KCNC2: variants seen among roughly 807,000 people sequenced by gnomAD.
The protein encoded by KCNC2 is potassium voltage-gated channel subfamily C member 2, also known as voltage-gated potassium channel KCNC2.
KCNC2 carries 21 observed loss-of-function variants against 44.5 expected under a neutral mutation model. The observed-to-expected ratio is 0.47, with a 90% CI of 0.33 to 0.68. KCNC2 has a LOEUF of 0.68. KCNC2 is among the 30% of genes least tolerant of loss of function. The pLI, the probability that KCNC2 is intolerant of heterozygous loss-of-function variation, is 0.01. For synonymous variants in KCNC2, 391 were observed against 339.1 expected (o/e 1.15, Z -1.68); for missense variants, 589 against 826.2 (o/e 0.71, Z 3.52).
chr12:75,083,066 T>A (rs751001542), intron 2 of KCNC2, among the ~76,000 whole-genome samples: 10 of 151,432 alleles, frequency 6.6e-5, no homozygotes, highest in East Asian at 1.9e-4. Context: ...ATACAAAAAA[T>A]TTAAGAAATT....
At chr12:75,079,920 A>G (rs1231616431) in intron 2 of KCNC2, among the ~76,000 whole-genome samples, 1 of 152,088 alleles carries the variant, frequency 6.6e-6, no homozygotes, top group African/African-American at 2.4e-5. Context: ...TTCCCTGTTA[A>G]TGTCTCTGAG....
intron 2 of KCNC2, among the ~76,000 whole-genome samples, chr12:75,079,525 G>A (rs1314003308): frequency 6.6e-6 from 1 of 152,082 alleles, no homozygotes; most frequent in Non-Finnish European, 1.5e-5. Context: ...GTATATTTGT[G>A]TATTTTAAAT....
At chr12:75,139,898 T>A (rs1889513681) in intron 2 of KCNC2, among the ~76,000 whole-genome samples, 1 of 152,198 alleles carries the variant, frequency 6.6e-6, no homozygotes, top group African/African-American at 2.4e-5. Context: ...TATGTAAAAC[T>A]GAGGCAACAA....
chr12:75,174,959 G>A (rs1046612031), intron 2 of KCNC2, among the ~76,000 whole-genome samples: 3 of 151,982 alleles, frequency 2.0e-5, no homozygotes, highest in Non-Finnish European at 2.9e-5. Context: ...CTCCAAGCTG[G>A]TGATAGCAAT....
intron 2 of KCNC2, among the ~76,000 whole-genome samples, chr12:75,176,343 G>A (rs1167111143): frequency 6.6e-6 from 1 of 151,936 alleles, no homozygotes; most frequent in Non-Finnish European, 1.5e-5. Context: ...TCCCTGGTGT[G>A]GGCTACTATC....
At chr12:75,089,857 A>G (rs1038346911) in intron 2 of KCNC2, among the ~76,000 whole-genome samples, 4 of 151,854 alleles carry the variant, frequency 2.6e-5, no homozygotes, top group African/African-American at 9.7e-5. Context: ...CAAGCGCTCA[A>G]CAAACACATA....
chr12:75,144,640 G>A (rs5025476), intron 2 of KCNC2, among the ~76,000 whole-genome samples: 6,865 of 149,290 alleles, frequency 0.046, 465 homozygotes, highest in African/African-American at 0.15. Context: ...GTGTGTGTGT[G>A]TATATATATA....
At chr12:75,071,803 G>A (rs1883432621) in intron 2 of KCNC2, among the ~76,000 whole-genome samples, 1 of 151,902 alleles carries the variant, frequency 6.6e-6, no homozygotes, top group Non-Finnish European at 1.5e-5. Context: ...CAGGTTTGGT[G>A]GCACGCACCT....
chr12:75,129,500 G>T (rs1419502039), intron 2 of KCNC2, among the ~76,000 whole-genome samples: 1 of 152,098 alleles, frequency 6.6e-6, no homozygotes, highest in African/African-American at 2.4e-5. Context: ...TAAAGGTAGG[G>T]CTGTGTGTCT....
intron 2 of KCNC2, among the ~76,000 whole-genome samples, chr12:75,083,677 ATAG>A (rs1884705539): frequency 6.6e-6 from 1 of 151,960 alleles, no homozygotes; most frequent in Non-Finnish European, 1.5e-5. Context: ...TATAAGCAAG[ATAG>A]TAGAATTATT....
chr12:75,102,188 GC>G (rs1241177275), intron 2 of KCNC2, among the ~76,000 whole-genome samples: 1 of 152,016 alleles, frequency 6.6e-6, no homozygotes, highest in East Asian at 1.9e-4. Flanking sequence ...CCTGAAACAA[GC>G]CAGTAGTGGA....
intron 2 of KCNC2, among the ~76,000 whole-genome samples, chr12:75,184,491 A>G (rs770051246): frequency 2.6e-5 from 4 of 152,130 alleles, no homozygotes; most frequent in East Asian, 3.9e-4. Flanking sequence ...GTTGATTTAT[A>G]TATTTTTTTC....
chr12:75,172,714 T>A (rs1401635938), intron 2 of KCNC2, among the ~76,000 whole-genome samples: 1 of 151,906 alleles, frequency 6.6e-6, no homozygotes, highest in East Asian at 1.9e-4. Flanking sequence ...GCTAGCCTTT[T>A]ACATCCTTTC....
At chr12:75,048,404 C>A in intron 3 of KCNC2, 87 bp from the exon 4 acceptor site, 1 of 1,072,386 alleles carries the variant, frequency 9.3e-7, no homozygotes, top group East Asian at 2.7e-5. Flanking sequence ...GCCGGTAGTC[C>A]AGTCACTCGA....
At chr12:75,128,628 G>A (rs1888611811) in intron 2 of KCNC2, among the ~76,000 whole-genome samples, 1 of 151,666 alleles carries the variant, frequency 6.6e-6, no homozygotes, top group Admixed American at 6.6e-5. Flanking sequence ...CATACTTAGG[G>A]TTTTGTTCTT....
chr12:75,197,942 T>C (rs549580556), intron 2 of KCNC2, among the ~76,000 whole-genome samples: 9 of 151,678 alleles, frequency 5.9e-5, no homozygotes, highest in Admixed American at 3.3e-4. Flanking sequence ...ATGAAAAAAA[T>C]TGAAAAAGAA....
At chr12:75,106,451 G>A (rs1287046363) in intron 2 of KCNC2, among the ~76,000 whole-genome samples, 1 of 152,194 alleles carries the variant, frequency 6.6e-6, no homozygotes, top group African/African-American at 2.4e-5. Context: ...CCCCAAGAGG[G>A]AATGAATAAC....
At chr12:75,174,587 A>G (rs1006721658) in intron 2 of KCNC2, among the ~76,000 whole-genome samples, 1 of 151,892 alleles carries the variant, frequency 6.6e-6, no homozygotes, top group Admixed American at 6.6e-5. Flanking sequence ...TAGAGCACAT[A>G]TTGTCTCTGA....
chr12:75,047,266 T>C (rs1217627758), intron 4 of KCNC2, among the ~76,000 whole-genome samples: 1 of 151,928 alleles, frequency 6.6e-6, no homozygotes, highest in African/African-American at 2.4e-5. Context: ...GAGACTATTT[T>C]TAAAGGGGAG....
Sources: allele counts gnomAD v4.1 joint callset (sites outside exome capture counted in the v4.1 genomes callset), GRCh38; gene constraint gnomAD v4.1.1; transcripts MANE v1.5; gene names NCBI Gene and HGNC (gene_info 2026-07-23, HGNC 2026-07-21).